Variants in TAS2R1 observed in about 807,000 individuals in gnomAD.
TAS2R1 encodes taste 2 receptor member 1.
For missense variants in TAS2R1, 370 were observed against 353.4 expected (o/e 1.05, Z -0.38); for synonymous variants, 141 against 134.2 (o/e 1.05, Z -0.35).
the TAS2R1 span, among the ~76,000 whole-genome samples, chr5:9,826,565 A>T: frequency 6.6e-6 from 1 of 152,214 alleles, no homozygotes; most frequent in Non-Finnish European, 1.5e-5. Flanking sequence ...GCCCACTGAA[A>T]TACATTAATT....
At chr5:9,852,684 CT>C in the TAS2R1 span, among the ~76,000 whole-genome samples, 1 of 152,162 alleles carries the variant, frequency 6.6e-6, no homozygotes, top group African/African-American at 2.4e-5. Flanking sequence ...TATAAATCCT[CT>C]TTAAAATGAG....
At chr5:9,825,766 C>T in the TAS2R1 span, among the ~76,000 whole-genome samples, 13,915 of 152,188 alleles carry the variant, frequency 0.091, 1,524 homozygotes, top group East Asian at 0.24. Flanking sequence ...ACAAAAATAG[C>T]TGTCACGCTC....
the TAS2R1 span, among the ~76,000 whole-genome samples, chr5:9,861,489 C>T: frequency 6.6e-6 from 1 of 152,150 alleles, no homozygotes. Flanking sequence ...AAATAGGGTG[C>T]TATCAACATA....
the TAS2R1 span, among the ~76,000 whole-genome samples, chr5:9,785,254 C>A: frequency 4.1e-4 from 62 of 152,314 alleles, no homozygotes; most frequent in Non-Finnish European, 5.6e-4. Context: ...TAGGCAGATA[C>A]TCATTGTGTA....
chr5:9,735,207 C>T, the TAS2R1 span, among the ~76,000 whole-genome samples: 3 of 151,400 alleles, frequency 2.0e-5, no homozygotes, highest in Non-Finnish European at 4.4e-5. Context: ...AATCACCTCC[C>T]ACCAGGCCCC....
chr5:9,851,800 G>A, the TAS2R1 span, among the ~76,000 whole-genome samples: 1 of 152,132 alleles, frequency 6.6e-6, no homozygotes, highest in Non-Finnish European at 1.5e-5. Context: ...TGTGACATGT[G>A]GAAGCTAAGA....
chr5:9,729,124 T>C, the TAS2R1 span, among the ~76,000 whole-genome samples: 1 of 152,224 alleles, frequency 6.6e-6, no homozygotes, highest in Non-Finnish European at 1.5e-5. Context: ...AGAGGTTAGC[T>C]GGGTTGGACC....
At chr5:9,830,343 GAC>G in the TAS2R1 span, among the ~76,000 whole-genome samples, 4 of 152,140 alleles carry the variant, frequency 2.6e-5, no homozygotes, top group Admixed American at 2.6e-4. Context: ...ATAGTTGACA[GAC>G]ACAGATGACA....
chr5:9,648,475 C>T (rs1245461747), intron 2 of TAS2R1, among the ~76,000 whole-genome samples: 1 of 151,772 alleles, frequency 6.6e-6, no homozygotes, highest in Admixed American at 6.6e-5. Flanking sequence ...ATGAAGATCC[C>T]AATGCACTGA....
At chr5:9,712,853 A>G (rs1027936035), upstream of TAS2R1, among the ~76,000 whole-genome samples, 1 of 151,996 alleles carries the variant, frequency 6.6e-6, no homozygotes. Context: ...TGGAACAAAG[A>G]TACAGAACAA....
intron 1 of TAS2R1, among the ~76,000 whole-genome samples, chr5:9,676,544 T>C (rs560991704): frequency 6.6e-6 from 1 of 152,208 alleles, no homozygotes; most frequent in Admixed American, 6.5e-5. Context: ...AAAAATTGGG[T>C]ATACATACAT....
the TAS2R1 span, among the ~76,000 whole-genome samples, chr5:9,722,206 C>A: frequency 2.0e-5 from 3 of 152,194 alleles, no homozygotes; most frequent in African/African-American, 7.2e-5. Flanking sequence ...CCAAGAGGAC[C>A]CCCCACAGGG....
At chr5:9,670,179 T>A (rs951608238) in intron 1 of TAS2R1, among the ~76,000 whole-genome samples, 2 of 152,014 alleles carry the variant, frequency 1.3e-5, no homozygotes, top group African/African-American at 4.8e-5. Context: ...TGCAAACATA[T>A]AACCTCCCAA....
At chr5:9,804,168 G>A in the TAS2R1 span, among the ~76,000 whole-genome samples, 1 of 152,080 alleles carries the variant, frequency 6.6e-6, no homozygotes, top group Non-Finnish European at 1.5e-5. Context: ...AATGATAAAA[G>A]GACTAATGCA....
At chr5:9,769,665 G>A in the TAS2R1 span, among the ~76,000 whole-genome samples, 1 of 152,068 alleles carries the variant, frequency 6.6e-6, no homozygotes, top group Non-Finnish European at 1.5e-5. Context: ...GATGGTCAGC[G>A]ATGTTGACCC....
the TAS2R1 span, among the ~76,000 whole-genome samples, chr5:9,732,287 G>T: frequency 1.3e-5 from 2 of 152,186 alleles, no homozygotes; most frequent in Admixed American, 6.5e-5. Context: ...GCAGAGCATT[G>T]AAGGAAATAG....
At chr5:9,816,261 G>A in the TAS2R1 span, among the ~76,000 whole-genome samples, 1 of 152,032 alleles carries the variant, frequency 6.6e-6, no homozygotes, top group East Asian at 1.9e-4. Flanking sequence ...TCTTAACCCT[G>A]GCATGCTATT....
At chr5:9,650,807 C>T (rs1740289605) in intron 2 of TAS2R1, among the ~76,000 whole-genome samples, 1 of 152,108 alleles carries the variant, frequency 6.6e-6, no homozygotes, top group South Asian at 2.1e-4. Flanking sequence ...GTCCCTCTTC[C>T]TAGAATATAA....
chr5:9,864,878 G>T, the TAS2R1 span, among the ~76,000 whole-genome samples: 1 of 152,062 alleles, frequency 6.6e-6, no homozygotes. Flanking sequence ...GGAGACAGAG[G>T]CCACAAACTG....
Sources: gnomAD v4.1 joint callset for allele counts (sites outside exome capture counted in the v4.1 genomes callset) on GRCh38, gnomAD v4.1.1 for gene constraint, MANE v1.5 for transcripts, NCBI Gene and HGNC (gene_info 2026-07-23, HGNC 2026-07-21) for gene names.